The following MECOM variants were observed in gnomAD, a reference collection of about 807,000 sequenced individuals.
MECOM encodes the protein histone-lysine N-methyltransferase MECOM.
In MECOM, 13 loss-of-function variants were observed where a neutral mutation model predicts 116.3. That is an observed-to-expected ratio of 0.11 (90% confidence interval 0.07 to 0.18). The LOEUF (loss-of-function observed/expected upper bound fraction) is 0.18, where lower values mean the gene tolerates loss of function less well. Ranked by LOEUF, MECOM falls within the 10% of genes least tolerant of loss-of-function variation. MECOM has a pLI of 1.00. For synonymous variants in MECOM, 528 were observed against 535.2 expected, an observed-to-expected ratio of 0.99 and a Z score of 0.19; for missense variants, 1,299 against 1,509.0, an observed-to-expected ratio of 0.86 and a Z score of 2.31.
At chr3:169,220,109 T>G (rs1751941462) in intron 2 of MECOM, among the ~76,000 whole-genome samples, 1 of 152,000 alleles carries the variant, frequency 6.6e-6, no homozygotes, top group Admixed American at 6.6e-5. Flanking sequence ...GGTGGATCAC[T>G]TGAGTTTAGG....
chr3:169,660,671 C>T (rs748558873), intron 1 of MECOM, among the ~76,000 whole-genome samples: 13 of 152,156 alleles, frequency 8.5e-5, no homozygotes, highest in Non-Finnish European at 1.6e-4. Flanking sequence ...AACTCCCCTT[C>T]TAAACCCAGA....
intron 2 of MECOM, among the ~76,000 whole-genome samples, chr3:169,188,235 C>T (rs1747028843): frequency 6.6e-6 from 1 of 151,964 alleles, no homozygotes; most frequent in Non-Finnish European, 1.5e-5. Context: ...TTAATGTCAG[C>T]ATATCTCCTA....
At position 169,485,984 on chromosome 3, in the gene MECOM, A is replaced by AC. The variant is rs1491408507; in HGVS notation, c.38-104461_38-104460insG. ...ATATACTATATATACATATATATAT[A>AC]GTATATATATGTATATATATACTAT... On this transcript the variant is annotated intron_variant, in intron 1 of 16. Coordinates refer to ENST00000651503, the MANE Select transcript of MECOM (RefSeq NM_004991.4). Among the ~76,000 whole-genome samples, 33 of 101,826 alleles carry AC rather than the reference A, an allele frequency of 3.2e-4. 1 individual carries two copies. The highest frequency in any genetic ancestry group is 1.1e-3 in the African/African-American group (23 of 21,366). The allele number at this position is 101,826 out of a possible 152,430, so 66.8% of individuals were successfully genotyped here. A position where few individuals can be genotyped will look rare whatever the true frequency, so the allele number is the denominator to read the frequency against.
chr3:169,378,442 A>AAAGAAAGAAAGC (rs1731531979), intron 2 of MECOM, among the ~76,000 whole-genome samples: 2 of 85,240 alleles, frequency 2.3e-5, no homozygotes, highest in South Asian at 3.3e-4. Flanking sequence ...AGAAAGAAAG[A>AAAGAAAGAAAGC]AAGAAAGAAG....
At chr3:169,188,193 T>C (rs1559968906) in intron 2 of MECOM, among the ~76,000 whole-genome samples, 1 of 152,078 alleles carries the variant, frequency 6.6e-6, no homozygotes, top group Non-Finnish European at 1.5e-5. Context: ...AGCAAGTTCT[T>C]GACAATGCCA....
chr3:169,636,877 A>T (rs1772839472), intron 1 of MECOM, among the ~76,000 whole-genome samples: 1 of 152,184 alleles, frequency 6.6e-6, no homozygotes, highest in South Asian at 2.1e-4. Context: ...AACCTAGCCT[A>T]ACACTCTAGA....
At chr3:169,607,001 A>C (rs962911210) in intron 1 of MECOM, among the ~76,000 whole-genome samples, 3 of 152,234 alleles carry the variant, frequency 2.0e-5, no homozygotes, top group African/African-American at 7.2e-5. Flanking sequence ...AGGACAGAGA[A>C]GGGGAATAGA....
In MECOM at chr3:169,121,120, C is replaced by A; in HGVS notation, c.1068G>T (p.Thr356=). 1 of 1,613,548 alleles carries A rather than the reference C, an allele frequency of 6.2e-7. No homozygotes were observed. Among genetic ancestry groups the A allele is most frequent in the African/African-American group, 1.3e-5 (1 of 75,000 alleles). The change falls in exon 7 of 17, where the codon ACG becomes ACT. Residue 356 remains threonine (T), a synonymous_variant. Transcript: ENST00000651503. The part of the protein sequence containing the change: ...RAHACPECGK[T]FATSSGLKQH... ...GTTTGAGGCCCGACGAAGTGGCAAA[C>A]GTTTTGCCACACTCCGGGCATGCAT...
chr3:169,145,785 T>C lies in MECOM; in HGVS notation c.376-1953A>G, dbSNP rs577668261. ...CATAAAAATTGTAGGTGTAATTTTA[T>C]TCCGTGTTAACATTATTAGCATTGC... On this transcript the variant is annotated intron_variant, in intron 2 of 16. Transcript: ENST00000651503. 3.1e-4 allele frequency: 68 copies of C among 215,918 alleles called. 1 individual carries two copies. Among genetic ancestry groups the C allele is most frequent in the African/African-American group, 1.3e-3 (59 of 44,528 alleles). The allele number at this position is 215,918 out of a possible 1,614,324, so 13.4% of individuals were successfully genotyped here. A position where few individuals can be genotyped will look rare whatever the true frequency, so the allele number is the denominator to read the frequency against.
At chr3:169,118,797 T>C (rs1442072399) in intron 7 of MECOM, among the ~76,000 whole-genome samples, 1 of 152,138 alleles carries the variant, frequency 6.6e-6, no homozygotes, top group Non-Finnish European at 1.5e-5. Flanking sequence ...TGGCACCCGT[T>C]GTTACATGGC....
At position 169,236,343 on chromosome 3, in the gene MECOM, T is replaced by C. The variant is rs141559341; in HGVS notation, c.376-92511A>G. 1.5e-4 allele frequency among the ~76,000 whole-genome samples: 23 copies of C among 152,304 alleles called. No homozygotes were observed. In the East Asian group the frequency reaches 3.9e-3, roughly 26 times the overall value. ...CATGATATTTCAAAAAGCAACTCTTTCTCATAAGTAAACTTTCTCTTCGAG... is the reference window on the plus strand; with the variant it reads ...CATGATATTTCAAAAAGCAACTCTTCCTCATAAGTAAACTTTCTCTTCGAG... On this transcript the variant is annotated intron_variant, in intron 2 of 16. Transcript: ENST00000651503.
intron 1 of MECOM, among the ~76,000 whole-genome samples, chr3:169,476,117 G>A (rs1273686375): frequency 3.3e-5 from 5 of 152,144 alleles, no homozygotes; most frequent in African/African-American, 1.2e-4. Flanking sequence ...GGAGAGGAAA[G>A]GGAAACATAT....
chr3:169,461,339 T>C (rs1747405711), intron 1 of MECOM, among the ~76,000 whole-genome samples: 1 of 152,136 alleles, frequency 6.6e-6, no homozygotes, highest in Non-Finnish European at 1.5e-5. Context: ...CAGAAAGACA[T>C]TTTTACATAA....
chr3:169,541,245 A>T (rs184188218), intron 1 of MECOM, among the ~76,000 whole-genome samples: 57 of 152,342 alleles, frequency 3.7e-4, no homozygotes, highest in African/African-American at 1.2e-3. Context: ...ATGTTTTAGA[A>T]CTTGATCATG....
At chr3:169,529,960 G>T (rs1758396986) in intron 1 of MECOM, among the ~76,000 whole-genome samples, 1 of 152,188 alleles carries the variant, frequency 6.6e-6, no homozygotes, top group Non-Finnish European at 1.5e-5. Context: ...TAGAAAAAAG[G>T]ACATACATAT....
chr3:169,504,361 T>C (rs1754945933), intron 1 of MECOM, among the ~76,000 whole-genome samples: 1 of 152,042 alleles, frequency 6.6e-6, no homozygotes, highest in African/African-American at 2.4e-5. Flanking sequence ...ACCAGTAAAG[T>C]GCTCAATGAA....
intron 2 of MECOM, among the ~76,000 whole-genome samples, chr3:169,255,740 A>C (rs539907511): frequency 2.1e-4 from 32 of 152,302 alleles, no homozygotes; most frequent in African/African-American, 7.5e-4. Context: ...TGGCTTAAAC[A>C]TAAATTCTCA....
chr3:169,232,396 T>C (rs1334018259), intron 2 of MECOM, among the ~76,000 whole-genome samples: 1 of 151,024 alleles, frequency 6.6e-6, no homozygotes, highest in Non-Finnish European at 1.5e-5. Flanking sequence ...AAAAAGCTTT[T>C]GTTAGGAATC....
At chr3:169,375,479 A>T (rs1730863657) in intron 2 of MECOM, among the ~76,000 whole-genome samples, 1 of 152,138 alleles carries the variant, frequency 6.6e-6, no homozygotes, top group Non-Finnish European at 1.5e-5. Context: ...TAGACACAAT[A>T]AAAAATGATA....
Sources: allele counts gnomAD v4.1 joint callset (sites outside exome capture counted in the v4.1 genomes callset), GRCh38; gene constraint gnomAD v4.1.1; transcripts MANE v1.5; gene names NCBI Gene and HGNC (gene_info 2026-07-23, HGNC 2026-07-21).